Variants in SHB observed in about 807,000 individuals in gnomAD.
SHB encodes the protein SH2 domain-containing adapter protein B.
A neutral mutation model predicts 52.3 loss-of-function variants in SHB; 20 were observed. That is an observed-to-expected ratio of 0.38 (90% confidence interval 0.27 to 0.56). SHB has a LOEUF of 0.56. Ranked by LOEUF, SHB falls within the 20% of genes least tolerant of loss-of-function variation. The pLI is 0.71. For synonymous variants in SHB, 397 were observed against 316.5 expected (o/e 1.25, Z -2.70); for missense variants, 825 against 723.3 (o/e 1.14, Z -1.61).
At chr9:38,024,878 AAACTC>A (rs1297299908) in intron 1 of SHB, among the ~76,000 whole-genome samples, 9 of 152,202 alleles carry the variant, frequency 5.9e-5, no homozygotes, top group African/African-American at 2.4e-5. Flanking sequence ...GCTAGATCTC[AAACTC>A]TTGTGTGTGC....
intron 3 of SHB, among the ~76,000 whole-genome samples, chr9:37,960,743 C>A (rs977043929): frequency 2.6e-5 from 4 of 152,156 alleles, no homozygotes; most frequent in African/African-American, 9.7e-5. Context: ...GTGGTCACTG[C>A]CAACAACAGA....
At chr9:37,930,048 G>A (rs1315739607) in intron 5 of SHB, among the ~76,000 whole-genome samples, 1 of 152,184 alleles carries the variant, frequency 6.6e-6, no homozygotes, top group Non-Finnish European at 1.5e-5. Flanking sequence ...GCTGTAGTGA[G>A]TTGTGTTCAC....
At chr9:38,039,676 T>C (rs916695122) in intron 1 of SHB, among the ~76,000 whole-genome samples, 6 of 152,244 alleles carry the variant, frequency 3.9e-5, no homozygotes, top group African/African-American at 1.2e-4. Context: ...GTAAAACACG[T>C]AGCAAAGGGG....
chr9:37,965,553 T>A (rs1312551297), intron 3 of SHB, among the ~76,000 whole-genome samples: 1 of 151,270 alleles, frequency 6.6e-6, no homozygotes, highest in Non-Finnish European at 1.5e-5. Context: ...TTGGTTTTCC[T>A]GAGACCCGAT....
At chr9:38,033,859 C>A in intron 1 of SHB, among the ~76,000 whole-genome samples, 1 of 144,618 alleles carries the variant, frequency 6.9e-6, no homozygotes, top group East Asian at 2.0e-4. Context: ...AATCCTGACA[C>A]CCCCCCAGCA....
chr9:38,005,498 C>T (rs1821066996), intron 2 of SHB, among the ~76,000 whole-genome samples: 1 of 152,196 alleles, frequency 6.6e-6, no homozygotes, highest in Admixed American at 6.5e-5. Flanking sequence ...TGCTGTTACT[C>T]AGCATCCCTC....
chr9:37,916,776 CCTTT>C lies in SHB; in HGVS notation c.*3041_*3044del, dbSNP rs777495066. ...GGGGCCCTCTTCCCCTACAAAGCCT[CCTTT>C]CTTTCTGTGGGCGCCATCCTGTTTG... On this transcript the variant is annotated 3_prime_UTR_variant, in exon 6 of 6. Transcript: ENST00000377707. 8.5e-5 allele frequency among the ~76,000 whole-genome samples: 13 copies of C among 152,198 alleles called. No individual in the cohort carries two copies. The highest frequency in any genetic ancestry group is 1.5e-4 in the Non-Finnish European group (10 of 68,038).
At chr9:37,973,596 T>C (rs1435248247) in intron 3 of SHB, among the ~76,000 whole-genome samples, 1 of 152,226 alleles carries the variant, frequency 6.6e-6, no homozygotes, top group East Asian at 1.9e-4. Context: ...TTAGCTTAGA[T>C]TTATGACTTA....
intron 1 of SHB, among the ~76,000 whole-genome samples, chr9:38,025,353 C>T (rs1821328816): frequency 6.6e-6 from 1 of 152,320 alleles, no homozygotes; most frequent in African/African-American, 2.4e-5. Context: ...GCCAGACAGC[C>T]CTTCCTCTCA....
intron 2 of SHB, among the ~76,000 whole-genome samples, chr9:38,000,669 A>G (rs1404077086): frequency 6.6e-6 from 1 of 152,204 alleles, no homozygotes; most frequent in East Asian, 1.9e-4. Context: ...TTGGCCTCCA[A>G]AGTCTTTGGG....
intron 1 of SHB, among the ~76,000 whole-genome samples, chr9:38,041,522 T>TA (rs1341126460): frequency 6.6e-6 from 1 of 151,840 alleles, no homozygotes; most frequent in Non-Finnish European, 1.5e-5. Flanking sequence ...GAGAAGGGCA[T>TA]GCCTGCTTCA....
chr9:37,955,925 A>G lies in SHB; in HGVS notation c.1184T>C (p.Leu395Pro). Residue 395 changes from leucine (L) to proline (P), a missense_variant, in exon 4 of 6, where the codon CTA (leucine) becomes CCA (proline). Transcript: ENST00000377707. ...GACGGCAGGATCCACCCTTTCTCCT[A>G]GGATCCCGCAGAACTCAGGGCTCCC... ...KHGSPEFCGILGERVDPAVPL... is the reference protein window; with the variant it reads ...KHGSPEFCGIPGERVDPAVPL... The G allele has an allele frequency of 1.9e-6, 3 of 1,613,738 alleles. No homozygotes were observed. The highest frequency in any genetic ancestry group is 2.5e-6 in the Non-Finnish European group (3 of 1,179,926).
intron 3 of SHB, among the ~76,000 whole-genome samples, chr9:37,971,382 G>A (rs775517968): frequency 1.3e-5 from 2 of 151,646 alleles, no homozygotes; most frequent in East Asian, 1.9e-4. Flanking sequence ...CACTTGAGAG[G>A]TGGCCCACCC....
chr9:37,986,914 C>T (rs541501547), intron 2 of SHB, among the ~76,000 whole-genome samples: 5 of 152,330 alleles, frequency 3.3e-5, no homozygotes, highest in Admixed American at 6.5e-5. Flanking sequence ...GAAGGGCCAG[C>T]GCCCCACACA....
At chr9:37,927,603 G>C (rs893436531) in intron 5 of SHB, among the ~76,000 whole-genome samples, 1 of 152,232 alleles carries the variant, frequency 6.6e-6, no homozygotes, top group Non-Finnish European at 1.5e-5. Flanking sequence ...ACACAAAGCA[G>C]TAGGTATGTC....
chr9:38,063,384 CCTT>C (rs1821918877), intron 1 of SHB, among the ~76,000 whole-genome samples: 2 of 152,264 alleles, frequency 1.3e-5, no homozygotes, highest in South Asian at 4.1e-4. Flanking sequence ...GCTCCAACCT[CCTT>C]CTGCAGTCTC....
chr9:38,004,319 C>T (rs922315268), intron 2 of SHB, among the ~76,000 whole-genome samples: 3 of 152,146 alleles, frequency 2.0e-5, no homozygotes, highest in South Asian at 2.1e-4. Flanking sequence ...AGCAGCAGAT[C>T]GGGAGCCTGA....
intron 1 of SHB, among the ~76,000 whole-genome samples, chr9:38,055,431 G>T (rs960144202): frequency 6.6e-6 from 1 of 152,098 alleles, no homozygotes; most frequent in African/African-American, 2.4e-5. Flanking sequence ...GTTGATGGTG[G>T]GCCGAAAACG....
intron 2 of SHB, among the ~76,000 whole-genome samples, chr9:37,978,810 T>C (rs1276032958): frequency 1.3e-5 from 2 of 152,208 alleles, no homozygotes; most frequent in African/African-American, 4.8e-5. Context: ...ATCGCGTAAT[T>C]ATTTTTGAAA....
Sources: allele counts gnomAD v4.1 joint callset (sites outside exome capture counted in the v4.1 genomes callset), GRCh38; gene constraint gnomAD v4.1.1; transcripts MANE v1.5; gene names NCBI Gene and HGNC (gene_info 2026-07-23, HGNC 2026-07-21).